Variants in NIPAL3 observed in about 807,000 individuals in gnomAD.
NIPAL3 encodes the protein NIPA like domain containing 3, also known as NIPA-like protein 3.
In NIPAL3, 41 loss-of-function variants were observed where a neutral mutation model predicts 47.2. The ratio of observed to expected loss-of-function variants is 0.87; its 90% confidence interval spans 0.68 to 1.13. The LOEUF is 1.13. Among genes scored for constraint, NIPAL3 ranks in the 50% most tolerant of loss-of-function variants. The pLI is 0.00. For synonymous variants in NIPAL3, 194 were observed against 209.6 expected (o/e 0.93, Z 0.64); for missense variants, 449 against 530.1 (o/e 0.85, Z 1.50).
At chr1:24,429,822 GCTGT>G (rs1644797655) in intron 2 of NIPAL3, among the ~76,000 whole-genome samples, 1 of 152,128 alleles carries the variant, frequency 6.6e-6, no homozygotes, top group African/African-American at 2.4e-5. Flanking sequence ...AGGCCCTACA[GCTGT>G]CTCAGCCTGA....
intron 2 of NIPAL3, among the ~76,000 whole-genome samples, chr1:24,431,237 A>G (rs1276370187): frequency 6.6e-6 from 1 of 152,246 alleles, no homozygotes; most frequent in East Asian, 1.9e-4. Context: ...ACAAAATTTC[A>G]GAATTCCCCT....
At position 24,442,129 on chromosome 1, in the gene NIPAL3, CCT is replaced by C. The variant is rs1398632879; in HGVS notation, c.238_239del (p.Leu80ValfsTer33). Reference protein sequence around the residue: ...YFKTKTWWLGLFLMLLGELGV... With the variant: ...YFKTKTWWLGXFLMLLGELGV... ...TCAAGACCAAGACATGGTGGCTGGG[CCT>C]GTTCCTGATGCTTCTGGGCGAGCTG... On this transcript the variant is annotated frameshift_variant, in exon 4 of 12. Coordinates refer to ENST00000374399, the MANE Select transcript of NIPAL3 (RefSeq NM_020448.5). LOFTEE classifies it high-confidence loss of function. 1.9e-6 allele frequency: 3 copies of C among 1,614,094 alleles called. No homozygotes were observed. The highest frequency in any genetic ancestry group is 2.5e-6 in the Non-Finnish European group (3 of 1,180,026).
chr1:24,434,469 A>G (rs1645011405), intron 2 of NIPAL3, among the ~76,000 whole-genome samples: 1 of 152,188 alleles, frequency 6.6e-6, no homozygotes, highest in South Asian at 2.1e-4. Flanking sequence ...CAAAGGAAGA[A>G]ATACACGATA....
At position 24,451,181 on chromosome 1, in the gene NIPAL3, TCTTA is replaced by T. The variant is rs1392150269; in HGVS notation, c.540+1559_540+1562del. ...AGATGCTCAGTGAATGATTCTGTTGTCTTACTTCATCATGACTGGGAGGCAGTGC... is the reference window on the plus strand; with the variant it reads ...AGATGCTCAGTGAATGATTCTGTTGTCTTCATCATGACTGGGAGGCAGTGC... On this transcript the variant is annotated intron_variant, in intron 6 of 11. Transcript: ENST00000374399. The surrounding 1 kb of genome is among the most constrained non-coding windows in gnomAD (Gnocchi z 4.5). 2.0e-5 allele frequency among the ~76,000 whole-genome samples: 3 copies of T among 152,212 alleles called. No homozygotes were observed. Among genetic ancestry groups the T allele is most frequent in the Non-Finnish European group, 4.4e-5 (3 of 68,022 alleles).
At chr1:24,421,630 G>A (rs1294871501) in intron 2 of NIPAL3, among the ~76,000 whole-genome samples, 1 of 152,152 alleles carries the variant, frequency 6.6e-6, no homozygotes, top group African/African-American at 2.4e-5. Context: ...GCCTTTCCTT[G>A]AGTAATCTTC....
chr1:24,444,209 T>C (rs1352080753), intron 4 of NIPAL3, among the ~76,000 whole-genome samples: 1 of 152,150 alleles, frequency 6.6e-6, no homozygotes, highest in Non-Finnish European at 1.5e-5. Flanking sequence ...AATATTAGCT[T>C]AGTTATTGAG....
intron 9 of NIPAL3, among the ~76,000 whole-genome samples, chr1:24,459,621 A>G (rs935255639): frequency 6.6e-6 from 1 of 152,268 alleles, no homozygotes; most frequent in African/African-American, 2.4e-5. Flanking sequence ...GTAAAGCCCT[A>G]TGCTCTGCCA....
In NIPAL3 at chr1:24,463,136, C is replaced by T. The variant is rs141680168; in HGVS notation, c.927-890C>T. Among the ~76,000 whole-genome samples, 527 of 151,806 alleles carry T rather than the reference C, an allele frequency of 3.5e-3. 3 individuals carry two copies. The highest frequency in any genetic ancestry group is 0.012 in the African/African-American group (515 of 41,410). Reference sequence around the variant, plus strand: ...CTGGGAGGTGGAGGTTGCAGTGAGCCGAGATCCTGCCACTTGACTCCAGCC... The same window carrying T: ...CTGGGAGGTGGAGGTTGCAGTGAGCTGAGATCCTGCCACTTGACTCCAGCC... On this transcript the variant is annotated intron_variant, in intron 10 of 11. Transcript: ENST00000374399.
chr1:24,442,095 G>A lies in NIPAL3; in HGVS notation c.203G>A (p.Arg68Gln), dbSNP rs758225619. The change falls in exon 4 of 12, where the codon CGG becomes CAG. Residue 68 changes from arginine (R) to glutamine (Q), a missense_variant. By Grantham distance (43) the Arg-to-Gln change is conservative. Transcript: ENST00000374399. ...CGCCTGGCAGGCTCCAAGGATCCCC[G>A]GGCCTATTTCAAGACCAAGACATGG... is the stretch of plus-strand genomic sequence containing the variant. ...HIRLAGSKDPRAYFKTKTWWL... is the reference protein window; with the variant it reads ...HIRLAGSKDPQAYFKTKTWWL... The A allele has an allele frequency of 1.6e-5, 26 of 1,614,018 alleles. No individual in the cohort carries two copies. Among genetic ancestry groups the A allele is most frequent in the East Asian group, 4.5e-5 (2 of 44,888 alleles).
At chr1:24,443,049 C>T (rs1461924787) in intron 4 of NIPAL3, among the ~76,000 whole-genome samples, 6 of 152,182 alleles carry the variant, frequency 3.9e-5, no homozygotes, top group African/African-American at 1.4e-4. Flanking sequence ...AACTATCTGC[C>T]TGCCTTTCCT....
At chr1:24,421,686 A>G (rs1342952724) in intron 2 of NIPAL3, 1 of 152,258 alleles carries the variant, frequency 6.6e-6, no homozygotes, top group African/African-American at 2.4e-5. Flanking sequence ...TCTGTGGAAT[A>G]GTAACTGCCT....
chr1:24,467,320 AT>A (rs1315476056), intron 11 of NIPAL3, among the ~76,000 whole-genome samples: 1 of 140,924 alleles, frequency 7.1e-6, no homozygotes, highest in Non-Finnish European at 1.6e-5. Context: ...AAAAAAAAAA[AT>A]TAGCTGTGCG....
intron 1 of NIPAL3, among the ~76,000 whole-genome samples, chr1:24,417,331 T>C (rs1440386307): frequency 2.0e-5 from 3 of 152,338 alleles, no homozygotes; most frequent in Non-Finnish European, 2.9e-5. Context: ...CTCAACTCCA[T>C]GACTGCTTCA....
intron 11 of NIPAL3, 122 bp downstream of exon 11, chr1:24,464,242 C>A: frequency 1.4e-6 from 1 of 702,058 alleles, no homozygotes; most frequent in Middle Eastern, 2.6e-4. Context: ...CTCTCACTGT[C>A]TTTTTTCTTT....
intron 11 of NIPAL3, 80 bp downstream of exon 11, chr1:24,464,200 C>A: frequency 9.5e-7 from 1 of 1,048,556 alleles, no homozygotes; most frequent in Non-Finnish European, 1.4e-6. Flanking sequence ...AGACAACCAA[C>A]TGCTGTGCTG....
At chr1:24,461,329 G>A (rs2148854023) in intron 10 of NIPAL3, among the ~76,000 whole-genome samples, 1 of 152,190 alleles carries the variant, frequency 6.6e-6, no homozygotes, top group South Asian at 2.1e-4. Flanking sequence ...ATTACCTGAG[G>A]TCGGGAGTTT....
At chr1:24,421,565 C>T (rs1374337684) in intron 2 of NIPAL3, among the ~76,000 whole-genome samples, 1 of 152,116 alleles carries the variant, frequency 6.6e-6, no homozygotes, top group East Asian at 1.9e-4. Context: ...ATAACAGTGA[C>T]TAATATTTAT....
chr1:24,456,571 T>C (rs1646224718), intron 8 of NIPAL3, among the ~76,000 whole-genome samples: 2 of 152,012 alleles, frequency 1.3e-5, no homozygotes, highest in African/African-American at 4.8e-5. Context: ...GCCAACATGG[T>C]GAAACCCCGT....
At chr1:24,447,047 A>G (rs960443440) in intron 5 of NIPAL3, among the ~76,000 whole-genome samples, 2 of 152,206 alleles carry the variant, frequency 1.3e-5, no homozygotes, top group Non-Finnish European at 2.9e-5. Flanking sequence ...CCAGAGGGTA[A>G]TGAATAAAGT....
Sources: gnomAD v4.1 joint callset for allele counts (sites outside exome capture counted in the v4.1 genomes callset) on GRCh38, gnomAD v4.1.1 for gene constraint, Gnocchi (gnomAD v3.1) non-coding constraint, MANE v1.5 for transcripts, NCBI Gene and HGNC (gene_info 2026-07-23, HGNC 2026-07-21) for gene names.